The following RAB6B variants were observed in gnomAD, a reference collection of about 807,000 sequenced individuals.
The protein encoded by RAB6B is RAB6B, member RAS oncogene family, also known as ras-related protein Rab-6B.
RAB6B carries 7 observed loss-of-function variants against 31.2 expected under a neutral mutation model. That is an observed-to-expected ratio of 0.22 (90% CI 0.13 to 0.42). The LOEUF (loss-of-function observed/expected upper bound fraction) is 0.42, where lower values mean the gene tolerates loss of function less well. RAB6B is among the 10% of genes least tolerant of loss of function. The pLI is 1.00. For missense variants in RAB6B, 149 were observed against 280.6 expected, an observed-to-expected ratio of 0.53 and a Z score of 3.35; for synonymous variants, 105 against 104.9, an observed-to-expected ratio of 1.00 and a Z score of -0.01.
rs769842460 is a variant in RAB6B, at chr3:133,828,767, A to G, written c.*21T>C. On this transcript the variant is annotated 3_prime_UTR_variant, in exon 8 of 8. Coordinates refer to ENST00000285208, the MANE Select transcript of RAB6B (RefSeq NM_016577.4). ...CACAACAAGCAAGGAGTGTCATGGG[A>G]AGCCACAGGTCGGCTCTGCATTAGC... 1 of 1,591,980 alleles carries G rather than the reference A, an allele frequency of 6.3e-7. No individual in the cohort carries two copies. The highest frequency in any genetic ancestry group is 1.3e-5 in the African/African-American group (1 of 74,548).
In RAB6B at chr3:133,841,299, A is replaced by G. The variant is rs78439152; in HGVS notation, c.275T>C (p.Val92Ala). 1 of 1,614,066 alleles carries G rather than the reference A, an allele frequency of 6.2e-7. No homozygotes were observed. The highest frequency in any genetic ancestry group is 1.1e-5 in the South Asian group (1 of 91,076). Residue 92 changes from valine to alanine, a missense_variant, in exon 4 of 8, where the codon GTG becomes GCG. By Grantham distance (64) the Val-to-Ala change is moderately conservative (BLOSUM62 0). Around this residue, in one of 2 missense-constraint regions of RAB6B, gnomAD observed 75 missense variants for 180.1 expected, o/e 0.42. Coordinates refer to ENST00000285208, the MANE Select transcript of RAB6B (RefSeq NM_016577.4). ...GCCTCACTCACTTGTGATGTCGTAC[A>G]CCACCACAGCCACCGTGGAGTCCCG... ...YIRDSTVAVVVYDITNLNSFQ... is the reference protein window; with the variant it reads ...YIRDSTVAVVAYDITNLNSFQ...
intron 1 of RAB6B, among the ~76,000 whole-genome samples, chr3:133,889,589 C>G (rs1936609375): frequency 6.6e-6 from 1 of 151,788 alleles, no homozygotes; most frequent in East Asian, 2.0e-4. Context: ...CATGCGCCAC[C>G]ATGCCTGGCT....
At chr3:133,884,529 G>T (rs1307346016) in intron 1 of RAB6B, among the ~76,000 whole-genome samples, 4 of 152,230 alleles carry the variant, frequency 2.6e-5, no homozygotes, top group African/African-American at 9.6e-5. Flanking sequence ...AGCTTGCTGG[G>T]GTGATGGAAC....
intron 4 of RAB6B, among the ~76,000 whole-genome samples, chr3:133,840,769 C>T (rs1350852878): frequency 6.6e-6 from 1 of 152,030 alleles, no homozygotes; most frequent in Non-Finnish European, 1.5e-5. Flanking sequence ...GAACACCTGC[C>T]CTGGCCTGAA....
intron 6 of RAB6B, among the ~76,000 whole-genome samples, chr3:133,837,461 G>A (rs1004627324): frequency 1.3e-5 from 2 of 152,198 alleles, no homozygotes; most frequent in East Asian, 1.9e-4. Flanking sequence ...ATTTCTATTG[G>A]TGGTAAAGCC....
chr3:133,841,432 G>A (rs1935828435), intron 3 of RAB6B, 42 bp from the exon 4 acceptor site: 4 of 1,597,098 alleles, frequency 2.5e-6, no homozygotes, highest in African/African-American at 2.7e-5. Context: ...GGGGTCAGTG[G>A]GGCAGTGAGG....
At chr3:133,864,533 A>T in intron 2 of RAB6B, 51 bp downstream of exon 2, 1 of 1,571,304 alleles carries the variant, frequency 6.4e-7, no homozygotes, top group Non-Finnish European at 8.8e-7. Context: ...AGTTTCAAAG[A>T]GAGGTCAGCC....
In RAB6B at chr3:133,857,123, T is replaced by A. The variant is rs111519986; in HGVS notation, c.129+7461A>T. 6.6e-3 allele frequency among the ~76,000 whole-genome samples: 1,010 copies of A among 152,264 alleles called. 10 individuals are homozygous for A. The highest frequency in any genetic ancestry group is 0.022 in the African/African-American group (921 of 41,546). ...CATTTGTTTCACTTTATCACTATTATCTTGGTTTGTTGCAGGGTTTCTGTA... is the reference window on the plus strand; with the variant it reads ...CATTTGTTTCACTTTATCACTATTAACTTGGTTTGTTGCAGGGTTTCTGTA... On this transcript the variant is annotated intron_variant, in intron 2 of 7. Transcript: ENST00000285208.
chr3:133,840,732 G>A (rs1305719148), intron 4 of RAB6B, among the ~76,000 whole-genome samples: 1 of 151,744 alleles, frequency 6.6e-6, no homozygotes, highest in South Asian at 2.1e-4. Flanking sequence ...GGCCCTGTGC[G>A]CCCTTGAGGC....
chr3:133,834,944 A>C (rs1392191391), intron 6 of RAB6B, among the ~76,000 whole-genome samples: 3 of 152,234 alleles, frequency 2.0e-5, no homozygotes, highest in African/African-American at 7.2e-5. Context: ...AGTGACTGCA[A>C]GGGACTTCCT....
intron 1 of RAB6B, among the ~76,000 whole-genome samples, chr3:133,875,076 T>G (rs1936373599): frequency 6.6e-6 from 1 of 152,184 alleles, no homozygotes; most frequent in Non-Finnish European, 1.5e-5. Context: ...ACTCTAAACA[T>G]AACAACATAA....
At position 133,846,093 on chromosome 3, in the gene RAB6B, G is replaced by A. The variant is rs1369896535; in HGVS notation, c.130-4430C>T. On this transcript the variant is annotated intron_variant, in intron 2 of 7. Coordinates refer to ENST00000285208, the MANE Select transcript of RAB6B (RefSeq NM_016577.4). The stretch of plus-strand genomic sequence containing the variant: ...ACTGAAGCACAGAGAGAAAAATGAT[G>A]GAATAAAAATAAAGAGAGCTTCAAG... Among the ~76,000 whole-genome samples, 4 of 152,154 alleles carry A rather than the reference G, an allele frequency of 2.6e-5. No individual in the cohort carries two copies. In the East Asian group the frequency reaches 7.7e-4, roughly 29 times the overall value.
chr3:133,833,565 G>A (rs1935688110), intron 7 of RAB6B, among the ~76,000 whole-genome samples: 1 of 152,180 alleles, frequency 6.6e-6, no homozygotes, highest in African/African-American at 2.4e-5. Flanking sequence ...TGCCCGCCCT[G>A]CCCCAGCAGC....
intron 5 of RAB6B, 108 bp downstream of exon 5, chr3:133,839,398 T>C (rs1208566008): frequency 3.1e-6 from 3 of 962,042 alleles, no homozygotes; most frequent in Admixed American, 1.8e-5. Context: ...TCCGGATGCA[T>C]GGTCAGAAGC....
chr3:133,846,051 CA>C (rs909053728), intron 2 of RAB6B, among the ~76,000 whole-genome samples: 1 of 151,928 alleles, frequency 6.6e-6, no homozygotes, highest in African/African-American at 2.4e-5. Flanking sequence ...GAAGACAGGC[CA>C]AAATAAATTG....
intron 2 of RAB6B, among the ~76,000 whole-genome samples, chr3:133,853,001 C>A (rs987291106): frequency 6.6e-6 from 1 of 152,194 alleles, no homozygotes; most frequent in Non-Finnish European, 1.5e-5. Context: ...CCCTCTTTTC[C>A]TTTCCGATGC....
chr3:133,850,199 G>A (rs551185343), intron 2 of RAB6B, among the ~76,000 whole-genome samples: 9 of 152,276 alleles, frequency 5.9e-5, no homozygotes, highest in African/African-American at 1.9e-4. Flanking sequence ...CCACGGGGGG[G>A]AGAATTGAGA....
intron 2 of RAB6B, among the ~76,000 whole-genome samples, chr3:133,860,798 C>T (rs2108001595): frequency 6.6e-6 from 1 of 152,354 alleles, no homozygotes; most frequent in Non-Finnish European, 1.5e-5. Context: ...GGCCAGGGAC[C>T]TGCTCCCAGG....
chr3:133,869,767 G>A (rs962392623), intron 1 of RAB6B, among the ~76,000 whole-genome samples: 2 of 152,152 alleles, frequency 1.3e-5, no homozygotes, highest in African/African-American at 4.8e-5. Context: ...ACCATGCTGT[G>A]AGGAAGCCCA....
Sources: allele counts gnomAD v4.1 joint callset (sites outside exome capture counted in the v4.1 genomes callset), GRCh38; gene constraint gnomAD v4.1.1; regional missense constraint gnomAD v4.1.1; transcripts MANE v1.5; gene names NCBI Gene and HGNC (gene_info 2026-07-23, HGNC 2026-07-21).